The following GPM6B variants were observed in gnomAD, a reference collection of about 807,000 sequenced individuals.
GPM6B encodes the protein neuronal membrane glycoprotein M6-b.
In GPM6B, 4 loss-of-function variants were observed where a neutral mutation model predicts 27.2. The observed-to-expected ratio is 0.15, with a 90% CI of 0.07 to 0.34. GPM6B has a LOEUF of 0.34. Ranked by LOEUF, GPM6B falls within the 10% of genes least tolerant of loss-of-function variation. The pLI, the probability that GPM6B is intolerant of heterozygous loss-of-function variation, is 1.00. For missense variants in GPM6B, 183 were observed against 261.9 expected (o/e 0.70, Z 2.08); for synonymous variants, 124 against 103.1 (o/e 1.20, Z -1.23).
intron 1 of GPM6B, among the ~76,000 whole-genome samples, chrX:13,873,146 G>A (rs1206626349): frequency 4.8e-4 from 13 of 27,307 alleles, no homozygotes; most frequent in African/African-American, 1.5e-3. Context: ...GGAGAATAGC[G>A]TAAGGAATTT....
chrX:13,907,460 G>T (rs1329880831), intron 1 of GPM6B, among the ~76,000 whole-genome samples: 1 of 112,108 alleles, frequency 8.9e-6, no homozygotes, highest in Admixed American at 9.5e-5. Context: ...GAGGTGGGTG[G>T]ATCACTTGAG....
chrX:13,834,530 T>C (rs775524029), intron 1 of GPM6B, among the ~76,000 whole-genome samples: 23 of 112,700 alleles, frequency 2.0e-4, no homozygotes, highest in African/African-American at 6.8e-4. Flanking sequence ...ATGCATGCCA[T>C]GGGCTTTGCT....
intron 1 of GPM6B, among the ~76,000 whole-genome samples, chrX:13,824,101 A>C (rs1052150202): frequency 1.2e-4 from 13 of 111,899 alleles, no homozygotes; most frequent in Non-Finnish European, 2.3e-4. Flanking sequence ...TTGGGGCTGG[A>C]TCATTATTGT....
At chrX:13,865,326 C>A (rs939461866) in intron 1 of GPM6B, among the ~76,000 whole-genome samples, 1 of 109,176 alleles carries the variant, frequency 9.2e-6, no homozygotes, top group Admixed American at 9.9e-5. Flanking sequence ...ATCACATGCA[C>A]ATGCGGGCAC....
At chrX:13,827,042 C>T (rs766666860) in intron 1 of GPM6B, among the ~76,000 whole-genome samples, 4 of 110,515 alleles carry the variant, frequency 3.6e-5, no homozygotes, top group African/African-American at 3.3e-5. Context: ...AGTTCCTTCT[C>T]GGTTCAGCAG....
At chrX:13,885,423 A>G (rs914234462) in intron 1 of GPM6B, among the ~76,000 whole-genome samples, 1 of 111,724 alleles carries the variant, frequency 9.0e-6, no homozygotes, top group African/African-American at 3.3e-5. Flanking sequence ...TGCCCCTGGC[A>G]AATAGAAGCA....
intron 5 of GPM6B, among the ~76,000 whole-genome samples, chrX:13,778,827 TAAA>T (rs1351841186): frequency 3.6e-5 from 4 of 112,285 alleles, no homozygotes; most frequent in Non-Finnish European, 7.5e-5. Context: ...AGCTCTATCA[TAAA>T]GAACAGTGTT....
intron 1 of GPM6B, among the ~76,000 whole-genome samples, chrX:13,909,624 A>G (rs573817799): frequency 1.8e-5 from 2 of 111,404 alleles, no homozygotes; most frequent in African/African-American, 6.5e-5. Flanking sequence ...GCCAGGTATT[A>G]TAGTCACAGT....
chrX:13,779,607 A>G (rs2048477250), intron 5 of GPM6B, among the ~76,000 whole-genome samples: 1 of 112,109 alleles, frequency 8.9e-6, no homozygotes, highest in African/African-American at 3.2e-5. Context: ...ATGAAAATAT[A>G]ACGAAATTTT....
intron 6 of GPM6B, among the ~76,000 whole-genome samples, 163 bp from the exon 7 acceptor site, chrX:13,776,466 G>A (rs932000474): frequency 2.7e-5 from 3 of 111,606 alleles, no homozygotes; most frequent in Non-Finnish European, 5.6e-5. Flanking sequence ...GGAATCACCC[G>A]AGGAGCTTTA....
At chrX:13,777,504 CCAGTTA>C (rs2048436919) in intron 5 of GPM6B, 79 bp from the exon 6 acceptor site, 1 of 617,833 alleles carries the variant, frequency 1.6e-6, no homozygotes, top group Non-Finnish European at 2.7e-6. Flanking sequence ...ACTTCGGATG[CCAGTTA>C]CAGTGTAATT....
At chrX:13,825,037 G>A (rs750809547) in intron 1 of GPM6B, among the ~76,000 whole-genome samples, 1 of 111,805 alleles carries the variant, frequency 8.9e-6, no homozygotes, top group African/African-American at 3.3e-5. Flanking sequence ...CTCTGTGTGT[G>A]TATGTCTGTG....
intron 1 of GPM6B, among the ~76,000 whole-genome samples, chrX:13,868,187 A>C (rs1370794479): frequency 5.1e-5 from 2 of 39,433 alleles, no homozygotes; most frequent in African/African-American, 1.6e-4. Context: ...TAGACATTTA[A>C]ATTGTGTGTG....
chrX:13,832,292 C>T (rs1433768421), intron 1 of GPM6B, among the ~76,000 whole-genome samples: 5 of 112,052 alleles, frequency 4.5e-5, no homozygotes, highest in Non-Finnish European at 9.4e-5. Flanking sequence ...TTCTGAGATA[C>T]ACCAAAGACT....
At chrX:13,872,764 G>A (rs1294947491) in intron 1 of GPM6B, among the ~76,000 whole-genome samples, 1 of 111,224 alleles carries the variant, frequency 9.0e-6, no homozygotes, top group Admixed American at 9.5e-5. Context: ...AGTCAGAAGT[G>A]AAAAGGATCC....
upstream of GPM6B, among the ~76,000 whole-genome samples, chrX:13,819,835 T>G (rs757827921): frequency 1.1e-4 from 12 of 111,866 alleles, no homozygotes; most frequent in African/African-American, 3.6e-4. Flanking sequence ...GAAGAGAATT[T>G]GAAAAAAGCT....
upstream of GPM6B, chrX:13,817,275 C>T: frequency 1.2e-6 from 1 of 800,698 alleles, no homozygotes; most frequent in Non-Finnish European, 1.5e-6. Context: ...TTCCTCCTTG[C>T]TCTCTTTCTT....
chrX:13,815,369 T>C (rs901137090), intron 1 of GPM6B, among the ~76,000 whole-genome samples: 1 of 111,575 alleles, frequency 9.0e-6, no homozygotes, highest in African/African-American at 3.3e-5. Flanking sequence ...TAGTCTCTAG[T>C]CATCATGGAA....
intron 1 of GPM6B, among the ~76,000 whole-genome samples, chrX:13,847,199 T>A (rs764271727): frequency 5.4e-5 from 6 of 111,845 alleles, no homozygotes; most frequent in Non-Finnish European, 9.4e-5. Flanking sequence ...ACACACCAAC[T>A]GCTGCCCAAG....
Sources: allele counts gnomAD v4.1 joint callset (sites outside exome capture counted in the v4.1 genomes callset), GRCh38; gene constraint gnomAD v4.1.1; transcripts MANE v1.5; gene names NCBI Gene and HGNC (gene_info 2026-07-23, HGNC 2026-07-21).